The following CSMD2 variants were observed in gnomAD, a reference collection of about 807,000 sequenced individuals.
The protein encoded by CSMD2 is CUB and sushi domain-containing protein 2.
A neutral mutation model predicts 398.5 loss-of-function variants in CSMD2; 130 were observed. That is an observed-to-expected ratio of 0.33 (90% confidence interval 0.28 to 0.38). The LOEUF (loss-of-function observed/expected upper bound fraction) is 0.38, where lower values mean the gene tolerates loss of function less well. CSMD2 is among the 10% of genes least tolerant of loss of function. The probability of loss-of-function intolerance (pLI) is 1.00; values close to 1 mark genes in which losing one functional copy is unlikely to be tolerated. For synonymous variants in CSMD2, 1,828 were observed against 1,908.5 expected (o/e 0.96, Z 1.10); for missense variants, 3,829 against 4,764.9 (o/e 0.80, Z 5.78).
rs773103765 is a variant in CSMD2, at chr1:33,546,182, C to T, written c.8955G>A (p.Pro2985=). 2.0e-5 allele frequency: 33 copies of T among 1,613,994 alleles called. No individual in the cohort carries two copies. Among genetic ancestry groups the T allele is most frequent in the South Asian group, 5.5e-5 (5 of 91,086 alleles). Residue 2985 remains proline, a synonymous_variant, in exon 57 of 71, where the codon CCG becomes CCA. Transcript: ENST00000373381. ...TGTCCCCCAAACGGATGCCATGAGC[C>T]GGGATCCCAGGGTCACCGCAAACTC... ...SVGVCGDPGI[P]AHGIRLGDSF...
rs574687087 is a variant in CSMD2 at position 34,129,798 on chromosome 1, C to G, written c.187+35113G>C. Among the ~76,000 whole-genome samples the G allele has an allele frequency of 2.0e-5, 3 of 152,328 alleles. No individual in the cohort carries two copies. The South Asian group carries it at 6.2e-4, about 32-fold the overall frequency. On this transcript the variant is annotated intron_variant, in intron 1 of 70. Coordinates refer to ENST00000373381, the MANE Select transcript of CSMD2 (RefSeq NM_001281956.2). ...GTGCTCCCTGCACACACAGAGCATC[C>G]GGCAGCACTGCAGGAAGGAACAAGC... is the stretch of plus-strand genomic sequence containing the variant.
At chr1:33,835,640 C>A in intron 6 of CSMD2, among the ~76,000 whole-genome samples, 1 of 126,730 alleles carries the variant, frequency 7.9e-6, no homozygotes, top group Non-Finnish European at 1.6e-5. Context: ...TACCCTAAAA[C>A]TTAAAGTATA....
Position 34,152,635 on chromosome 1 carries a change from C to T in CSMD2, c.187+12276G>A, listed in dbSNP as rs140991288. Among the ~76,000 whole-genome samples the T allele has an allele frequency of 2.6e-3, 397 of 152,282 alleles. 1 individual carries two copies. The highest frequency in any genetic ancestry group is 9.1e-3 in the African/African-American group (378 of 41,562). Reference sequence around the variant, plus strand: ...TCACTCCTGTTGATCCTGCAGGTCTCGGCTTGAACATCCTTCTCTGGGAGC... The same window carrying T: ...TCACTCCTGTTGATCCTGCAGGTCTTGGCTTGAACATCCTTCTCTGGGAGC... On this transcript the variant is annotated intron_variant, in intron 1 of 70. Coordinates refer to ENST00000373381, the MANE Select transcript of CSMD2 (RefSeq NM_001281956.2).
At chr1:33,569,737 C>T (rs896410575) in intron 51 of CSMD2, among the ~76,000 whole-genome samples, 190 bp from the exon 52 acceptor site, 1 of 152,182 alleles carries the variant, frequency 6.6e-6, no homozygotes, top group South Asian at 2.1e-4. Flanking sequence ...CCAGAAGCCC[C>T]TGAAGGTTAT....
intron 4 of CSMD2, among the ~76,000 whole-genome samples, chr1:33,929,195 C>T (rs1045353899): frequency 2.6e-5 from 4 of 152,026 alleles, no homozygotes; most frequent in African/African-American, 9.7e-5. Flanking sequence ...GCTGTATCCC[C>T]AAAGCACAGC....
intron 3 of CSMD2, among the ~76,000 whole-genome samples, chr1:34,020,253 C>T (rs1387898048): frequency 6.6e-6 from 1 of 152,132 alleles, no homozygotes; most frequent in East Asian, 1.9e-4. Flanking sequence ...GGCCCTGAGG[C>T]TCAAATGTGT....
chr1:33,686,348 G>A (rs1397727777), intron 25 of CSMD2, among the ~76,000 whole-genome samples: 2 of 152,204 alleles, frequency 1.3e-5, no homozygotes, highest in Non-Finnish European at 2.9e-5. Flanking sequence ...CACAGGCAAG[G>A]GTGACAGGGA....
chr1:33,841,614 C>T (rs1238456457), intron 6 of CSMD2, among the ~76,000 whole-genome samples: 1 of 150,966 alleles, frequency 6.6e-6, no homozygotes, highest in Non-Finnish European at 1.5e-5. Flanking sequence ...GGATTGATTA[C>T]ACAACCTCAA....
At chr1:33,976,396 GC>G (rs1645965431) in intron 3 of CSMD2, among the ~76,000 whole-genome samples, 1 of 152,202 alleles carries the variant, frequency 6.6e-6, no homozygotes, top group Admixed American at 6.5e-5. Flanking sequence ...TGTAACTTTA[GC>G]CCCGGGGATC....
chr1:33,962,232 C>A (rs1402863696), intron 3 of CSMD2, among the ~76,000 whole-genome samples: 1 of 152,090 alleles, frequency 6.6e-6, no homozygotes, highest in Non-Finnish European at 1.5e-5. Flanking sequence ...CAGGCTTCAT[C>A]CATTTTTAAT....
At position 33,699,050 on chromosome 1, in the gene CSMD2, G is replaced by C. The variant is rs113546278; in HGVS notation, c.3734-106C>G. ...TCCTCAAGGAAGCTGTCTCAGCCAC[G>C]GACCCTGGGTTCTGATGGATTCACC... On this transcript the variant is annotated intron_variant, in intron 23 of 70. Transcript: ENST00000373381. 11 of 920,466 alleles carry C rather than the reference G, an allele frequency of 1.2e-5. No homozygotes were observed. In the East Asian group the frequency reaches 2.9e-4, roughly 25 times the overall value. The allele number at this position is 920,466 out of a possible 1,614,324, so 57.0% of individuals were successfully genotyped here.
chr1:34,102,697 T>TATCCCTGTAATCCG (rs1253950996), intron 1 of CSMD2, among the ~76,000 whole-genome samples: 2 of 151,720 alleles, frequency 1.3e-5, no homozygotes, highest in East Asian at 3.9e-4. Context: ...AATCCGGCCA[T>TATCCCTGTAATCCG]GCTGGACCTT....
At chr1:33,648,530 T>C (rs1306965806) in intron 28 of CSMD2, among the ~76,000 whole-genome samples, 1 of 152,144 alleles carries the variant, frequency 6.6e-6, no homozygotes, top group Non-Finnish European at 1.5e-5. Flanking sequence ...AAGTGTACAG[T>C]CAAAGCAAAA....
chr1:33,557,993 A>G, intron 54 of CSMD2, 71 bp from the exon 55 acceptor site: 1 of 1,373,890 alleles, frequency 7.3e-7, no homozygotes, highest in Non-Finnish European at 9.9e-7. Context: ...AAAACTAGGC[A>G]ATGAAGCAGA....
intron 3 of CSMD2, among the ~76,000 whole-genome samples, chr1:33,950,423 G>GAGAGAGAGAGAGAGAGA (rs1553260577): frequency 1.4e-5 from 2 of 143,318 alleles, no homozygotes; most frequent in African/African-American, 5.3e-5. Context: ...GAGAGAGAGA[G>GAGAGAGAGAGAGAGAGA]GAGAGTTTGT....
chr1:33,680,148 CTTTTTTTTT>C (rs34735969), intron 25 of CSMD2, among the ~76,000 whole-genome samples: 3 of 88,536 alleles, frequency 3.4e-5, no homozygotes, highest in Admixed American at 1.3e-4. Context: ...ATGGCCTCGC[CTTTTTTTTT>C]TTTTTTTTTT....
chr1:33,611,157 C>T lies in CSMD2; in HGVS notation c.6227G>A (p.Gly2076Glu). 1.2e-6 allele frequency: 2 copies of T among 1,614,102 alleles called. No homozygotes were observed. The highest frequency in any genetic ancestry group is 8.5e-7 in the Non-Finnish European group (1 of 1,180,012). ...TGGAAGCTCGCTTCCACTGAATCTTCCCATCATGCGGCTGGTCTCATAGGG... is the reference window on the plus strand; with the variant it reads ...TGGAAGCTCGCTTCCACTGAATCTTTCCATCATGCGGCTGGTCTCATAGGG... ...NGPYETSRMMGRFSGSELPSS... is the reference protein window; with the variant it reads ...NGPYETSRMMERFSGSELPSS... The change falls in exon 41 of 71, where the codon GGA becomes GAA. Residue 2076 changes from glycine (G) to glutamate (E), a missense_variant. Gly to Glu is a moderately conservative substitution (Grantham distance 98). This residue lies in a region of CSMD2 where 2,001 missense variants were observed against 2,567.1 expected (regional missense o/e 0.78). Coordinates refer to ENST00000373381, the MANE Select transcript of CSMD2 (RefSeq NM_001281956.2).
intron 2 of CSMD2, among the ~76,000 whole-genome samples, chr1:34,085,099 A>G (rs1376583264): frequency 6.6e-6 from 1 of 152,168 alleles, no homozygotes; most frequent in African/African-American, 2.4e-5. Context: ...ATGAAGCTGG[A>G]AACCATCATT....
chr1:33,708,447 A>C (rs1645876374), intron 22 of CSMD2, among the ~76,000 whole-genome samples: 1 of 152,218 alleles, frequency 6.6e-6, no homozygotes, highest in South Asian at 2.1e-4. Context: ...ACATATTTAA[A>C]AAAGCATCTA....
Sources: gnomAD v4.1 joint callset for allele counts (sites outside exome capture counted in the v4.1 genomes callset) on GRCh38, gnomAD v4.1.1 for gene constraint, gnomAD v4.1.1 regional missense constraint, MANE v1.5 for transcripts, NCBI Gene and HGNC (gene_info 2026-07-23, HGNC 2026-07-21) for gene names.